The following CCSER1 variants were observed in gnomAD, a reference collection of about 807,000 sequenced individuals.
CCSER1 encodes the protein coiled-coil serine rich protein 1, also known as serine-rich coiled-coil domain-containing protein 1.
CCSER1 carries 41 observed loss-of-function variants against 82.0 expected under a neutral mutation model. The observed-to-expected ratio is 0.50, with a 90% CI of 0.39 to 0.65. The LOEUF (loss-of-function observed/expected upper bound fraction) is 0.65. CCSER1 is among the 30% of genes least tolerant of loss of function. The pLI, the probability that CCSER1 is intolerant of heterozygous loss-of-function variation, is 0.00. For missense variants in CCSER1, 1,119 were observed against 1,064.2 expected (o/e 1.05, Z -0.72); for synonymous variants, 414 against 383.9 (o/e 1.08, Z -0.92).
chr4:91,283,983 T>A (rs1581901992), intron 10 of CCSER1, among the ~76,000 whole-genome samples: 1 of 152,196 alleles, frequency 6.6e-6, no homozygotes. Flanking sequence ...TTACCTATAA[T>A]ATGTTTGTAG....
chr4:90,627,200 A>G (rs1723453488), intron 5 of CCSER1, among the ~76,000 whole-genome samples: 1 of 152,218 alleles, frequency 6.6e-6, no homozygotes, highest in Non-Finnish European at 1.5e-5. Flanking sequence ...ACAGTTGAAT[A>G]TTATTCAAAA....
chr4:90,362,599 A>T (rs1373689138), intron 3 of CCSER1, among the ~76,000 whole-genome samples: 1 of 152,154 alleles, frequency 6.6e-6, no homozygotes, highest in Non-Finnish European at 1.5e-5. Context: ...ATGGGACCAA[A>T]TTAGTTAGAA....
chr4:90,641,289 T>C (rs897680944), intron 6 of CCSER1, among the ~76,000 whole-genome samples: 10 of 152,036 alleles, frequency 6.6e-5, no homozygotes, highest in Admixed American at 2.0e-4. Flanking sequence ...GTAATAGATA[T>C]GTATATAGTA....
At chr4:91,161,253 T>A (rs1334551556) in intron 10 of CCSER1, among the ~76,000 whole-genome samples, 2 of 152,170 alleles carry the variant, frequency 1.3e-5, no homozygotes, top group Non-Finnish European at 2.9e-5. Flanking sequence ...TTTAGTTGCA[T>A]TGGTCTATAT....
intron 9 of CCSER1, among the ~76,000 whole-genome samples, chr4:90,976,246 A>T (rs2150410271): frequency 6.6e-6 from 1 of 150,538 alleles, no homozygotes; most frequent in South Asian, 2.1e-4. Flanking sequence ...AATCAAATTA[A>T]CTAATAAGAA....
chr4:90,168,858 A>G lies in CCSER1; in HGVS notation c.-42+41027A>G, dbSNP rs572951171. ...ATATCTCTGTTTTGGTACCAGTACCATGCTATTTTGGTTACTGTAGCCTTG... is the reference window on the plus strand; with the variant it reads ...ATATCTCTGTTTTGGTACCAGTACCGTGCTATTTTGGTTACTGTAGCCTTG... On this transcript the variant is annotated intron_variant, in intron 1 of 10. Transcript: ENST00000509176. 7.5e-4 allele frequency among the ~76,000 whole-genome samples: 111 copies of G among 147,674 alleles called. 2 individuals carry two copies. The highest frequency in any genetic ancestry group is 2.7e-3 in the African/African-American group (105 of 38,930).
At chr4:90,161,663 C>A (rs369596754) in intron 1 of CCSER1, among the ~76,000 whole-genome samples, 4 of 151,950 alleles carry the variant, frequency 2.6e-5, no homozygotes, top group African/African-American at 9.6e-5. Context: ...TAAGCACAAG[C>A]AAATATTGAA....
intron 6 of CCSER1, among the ~76,000 whole-genome samples, chr4:90,651,701 G>T (rs1306894315): frequency 6.9e-6 from 1 of 144,694 alleles, no homozygotes; most frequent in Non-Finnish European, 1.5e-5. Context: ...AAAAAAAAAA[G>T]TTTGTAAAGC....
At chr4:91,337,316 A>G (rs574714429) in intron 10 of CCSER1, among the ~76,000 whole-genome samples, 1 of 152,228 alleles carries the variant, frequency 6.6e-6, no homozygotes, top group South Asian at 2.1e-4. Context: ...AGAACCAAGT[A>G]TTACACAAGA....
chr4:91,277,904 T>G, intron 10 of CCSER1, among the ~76,000 whole-genome samples: 1 of 152,020 alleles, frequency 6.6e-6, no homozygotes, highest in Admixed American at 6.6e-5. Flanking sequence ...TTTCAATAAA[T>G]TATTTTATTT....
rs1028769102 is a variant in CCSER1 at position 91,601,087 on chromosome 4, A to AT, written c.*2036dup. The AT allele has an allele frequency of 3.3e-5, 5 of 152,008 alleles. No individual in the cohort carries two copies. The highest frequency in any genetic ancestry group is 7.2e-5 in the African/African-American group (3 of 41,404). The allele number at this position is 152,008 out of a possible 1,614,324, so 9.4% of individuals were successfully genotyped here. A position where few individuals can be genotyped will look rare whatever the true frequency, so the allele number is the denominator to read the frequency against. ...AATAAGCATGATAAAATAATCAAGG[A>AT]TTTTTTCCCAGGATATGGAAGAACT... On this transcript the variant is annotated 3_prime_UTR_variant, in exon 11 of 11. Transcript: ENST00000509176.
intron 10 of CCSER1, among the ~76,000 whole-genome samples, chr4:91,525,586 C>T (rs1760728751): frequency 6.6e-6 from 1 of 151,976 alleles, no homozygotes; most frequent in South Asian, 2.1e-4. Context: ...TCTACTTTTC[C>T]TCTCACGCTT....
At chr4:90,476,625 A>C (rs550863663) in intron 5 of CCSER1, among the ~76,000 whole-genome samples, 1 of 152,340 alleles carries the variant, frequency 6.6e-6, no homozygotes, top group South Asian at 2.1e-4. Context: ...ATTGAAAAAA[A>C]CTAAAGAAGG....
chr4:91,314,800 G>A (rs1745716331), intron 10 of CCSER1, among the ~76,000 whole-genome samples: 1 of 151,948 alleles, frequency 6.6e-6, no homozygotes, highest in Non-Finnish European at 1.5e-5. Context: ...CAATAGCTAT[G>A]TCTGATTTTT....
intron 3 of CCSER1, among the ~76,000 whole-genome samples, chr4:90,362,577 T>C (rs1745556274): frequency 6.6e-6 from 1 of 152,196 alleles, no homozygotes. Flanking sequence ...AGGAGAATAT[T>C]GGAATATTAG....
At chr4:90,633,935 C>A (rs1389555374) in intron 6 of CCSER1, among the ~76,000 whole-genome samples, 8 of 151,666 alleles carry the variant, frequency 5.3e-5, no homozygotes, top group Non-Finnish European at 1.2e-4. Flanking sequence ...AGAAAAATGA[C>A]CGATGTTGGG....
At chr4:91,081,571 G>A (rs1722747558) in intron 9 of CCSER1, among the ~76,000 whole-genome samples, 1 of 152,084 alleles carries the variant, frequency 6.6e-6, no homozygotes, top group East Asian at 1.9e-4. Flanking sequence ...AGGGCAATCA[G>A]GCAAGAGAAA....
intron 7 of CCSER1, among the ~76,000 whole-genome samples, chr4:90,787,481 T>G (rs183060695): frequency 6.6e-6 from 1 of 152,226 alleles, no homozygotes; most frequent in African/African-American, 2.4e-5. Context: ...AACAATTTTT[T>G]AATGGTTGTT....
At chr4:90,686,850 TG>T (rs1362031267) in intron 6 of CCSER1, among the ~76,000 whole-genome samples, 1 of 152,186 alleles carries the variant, frequency 6.6e-6, no homozygotes, top group East Asian at 1.9e-4. Flanking sequence ...TTTTAAAGTC[TG>T]TTACTTGTGG....
Sources: gnomAD v4.1 joint callset for allele counts (sites outside exome capture counted in the v4.1 genomes callset) on GRCh38, gnomAD v4.1.1 for gene constraint, MANE v1.5 for transcripts, NCBI Gene and HGNC (gene_info 2026-07-23, HGNC 2026-07-21) for gene names.